The following EXOC6B variants were observed in gnomAD, a reference collection of about 807,000 sequenced individuals.
EXOC6B encodes the protein SEC15 homolog B.
Under a neutral mutation model 113.5 loss-of-function variants are expected in EXOC6B, and 54 were observed. The ratio of observed to expected loss-of-function variants is 0.48; its 90% confidence interval spans 0.38 to 0.60. The LOEUF (loss-of-function observed/expected upper bound fraction) is 0.60, where lower values mean the gene tolerates loss of function less well. Ranked by LOEUF, EXOC6B falls within the 20% of genes least tolerant of loss-of-function variation. EXOC6B has a pLI of 0.00. For missense variants in EXOC6B, 797 were observed against 977.5 expected (o/e 0.82, Z 2.46); for synonymous variants, 357 against 339.0 (o/e 1.05, Z -0.58).
chr2:72,236,442 T>C (rs986048536), intron 20 of EXOC6B, among the ~76,000 whole-genome samples: 3 of 152,236 alleles, frequency 2.0e-5, no homozygotes, highest in African/African-American at 7.2e-5. Flanking sequence ...ATCTTTAATT[T>C]AGATTTCCAA....
chr2:72,528,450 A>T (rs543923512), intron 8 of EXOC6B, among the ~76,000 whole-genome samples: 3 of 152,168 alleles, frequency 2.0e-5, no homozygotes, highest in African/African-American at 7.2e-5. Context: ...GCTACATAAT[A>T]AGTCTTGAAA....
intron 20 of EXOC6B, among the ~76,000 whole-genome samples, chr2:72,302,492 T>G (rs1686591925): frequency 1.3e-5 from 2 of 151,858 alleles, no homozygotes; most frequent in Admixed American, 6.5e-5. Flanking sequence ...AGAAATTGCT[T>G]TATGAATCTA....
chr2:72,575,495 T>C lies in EXOC6B; in HGVS notation c.843A>G (p.Glu281=). 6.2e-7 allele frequency: 1 copy of C among 1,605,308 alleles called. No homozygotes were observed. The highest frequency in any genetic ancestry group is 1.3e-5 in the African/African-American group (1 of 74,422). ...CCCAACATCAAATGTTACTTACCTC[T>C]TCATCATCTTCCTCGTCTTCAACAT... ...ILDVEDEEDD[E]EVPGAQDLVD... is the part of the protein sequence containing the mutation. Residue 281 remains glutamate, a synonymous_variant, in exon 7 of 22, where the codon GAA becomes GAG. Coordinates refer to ENST00000272427, the MANE Select transcript of EXOC6B (RefSeq NM_015189.3).
chr2:72,799,983 T>A (rs1256406492), intron 1 of EXOC6B, among the ~76,000 whole-genome samples: 3 of 152,086 alleles, frequency 2.0e-5, no homozygotes, highest in Non-Finnish European at 2.9e-5. Flanking sequence ...GAAGATAGTT[T>A]GAGCCCTGGA....
intron 18 of EXOC6B, among the ~76,000 whole-genome samples, chr2:72,389,670 CT>C (rs1432044555): frequency 6.6e-6 from 1 of 151,782 alleles, no homozygotes; most frequent in Non-Finnish European, 1.5e-5. Context: ...GGTGATGGTT[CT>C]TTTTTATTCT....
At chr2:72,700,998 A>T (rs1678289468) in intron 6 of EXOC6B, among the ~76,000 whole-genome samples, 1 of 152,058 alleles carries the variant, frequency 6.6e-6, no homozygotes, top group Non-Finnish European at 1.5e-5. Context: ...CACAATAAAA[A>T]ATCCATATAC....
intron 19 of EXOC6B, among the ~76,000 whole-genome samples, chr2:72,364,473 G>A (rs964040390): frequency 5.3e-5 from 8 of 152,082 alleles, no homozygotes; most frequent in Non-Finnish European, 7.4e-5. Context: ...AGTCTGAAAG[G>A]TTATTACAAA....
intron 8 of EXOC6B, among the ~76,000 whole-genome samples, chr2:72,518,481 A>AGG (rs973097610): frequency 5.0e-5 from 5 of 99,114 alleles, no homozygotes; most frequent in African/African-American, 1.9e-4. Context: ...GGATTAAAGT[A>AGG]GGGTGTGTGT....
intron 11 of EXOC6B, among the ~76,000 whole-genome samples, chr2:72,510,598 C>G (rs1477290039): frequency 6.6e-6 from 1 of 151,190 alleles, no homozygotes; most frequent in Non-Finnish European, 1.5e-5. Flanking sequence ...CAGCATGTTC[C>G]TACTTAAAAC....
chr2:72,300,368 T>C (rs927881762), intron 20 of EXOC6B, among the ~76,000 whole-genome samples: 1 of 152,168 alleles, frequency 6.6e-6, no homozygotes, highest in South Asian at 2.1e-4. Context: ...CGGACGCCCC[T>C]ACCTACACCA....
intron 20 of EXOC6B, among the ~76,000 whole-genome samples, chr2:72,253,319 A>G (rs908348415): frequency 2.6e-5 from 4 of 152,248 alleles, no homozygotes; most frequent in African/African-American, 9.6e-5. Context: ...CAGAATTACC[A>G]TTAGACCCAG....
At chr2:72,357,373 T>C (rs1690024916) in intron 19 of EXOC6B, among the ~76,000 whole-genome samples, 1 of 152,128 alleles carries the variant, frequency 6.6e-6, no homozygotes, top group Non-Finnish European at 1.5e-5. Flanking sequence ...ATCAATTGTA[T>C]ATATGATGGT....
At chr2:72,296,033 A>G (rs1686115113) in intron 20 of EXOC6B, among the ~76,000 whole-genome samples, 3 of 152,150 alleles carry the variant, frequency 2.0e-5, no homozygotes, top group South Asian at 2.1e-4. Flanking sequence ...TAGAGTGGCT[A>G]TGGATTTGTC....
intron 8 of EXOC6B, among the ~76,000 whole-genome samples, chr2:72,530,037 T>C (rs1434409627): frequency 3.9e-5 from 6 of 152,184 alleles, no homozygotes. Flanking sequence ...TTGTCAGTCA[T>C]GTTGGAGGTC....
At chr2:72,638,439 A>C (rs1672995964) in intron 6 of EXOC6B, among the ~76,000 whole-genome samples, 1 of 152,096 alleles carries the variant, frequency 6.6e-6, no homozygotes, top group African/African-American at 2.4e-5. Context: ...GGGACAAGAC[A>C]ACTGGTATAA....
intron 6 of EXOC6B, among the ~76,000 whole-genome samples, chr2:72,694,357 G>A (rs182046852): frequency 5.3e-5 from 8 of 152,228 alleles, no homozygotes; most frequent in Admixed American, 2.6e-4. Context: ...CAGGAGAATC[G>A]CTTGACCCTG....
At chr2:72,207,392 C>A (rs2104366565) in intron 20 of EXOC6B, among the ~76,000 whole-genome samples, 1 of 152,254 alleles carries the variant, frequency 6.6e-6, no homozygotes, top group Non-Finnish European at 1.5e-5. Context: ...TGAACTTGGG[C>A]AAATCATCTA....
rs535721826 is a variant in EXOC6B, at chr2:72,699,251, G to A, written c.669+18852C>T. On this transcript the variant is annotated intron_variant, in intron 6 of 21. Transcript: ENST00000272427. The stretch of plus-strand genomic sequence containing the variant: ...TCCCAGCACTTTGGGAAGCCAAGGC[G>A]GGTGGATCACGAGGTCAGGAGTTCA... 2.6e-4 allele frequency among the ~76,000 whole-genome samples: 40 copies of A among 152,266 alleles called. No homozygotes were observed. In the South Asian group the frequency reaches 3.3e-3, roughly 13 times the overall value.
At chr2:72,650,375 G>A (rs1674072551) in intron 6 of EXOC6B, among the ~76,000 whole-genome samples, 3 of 152,208 alleles carry the variant, frequency 2.0e-5, no homozygotes, top group South Asian at 2.1e-4. Flanking sequence ...GCAGAGGCAG[G>A]CGGATCACGA....
Sources: gnomAD v4.1 joint callset for allele counts (sites outside exome capture counted in the v4.1 genomes callset) on GRCh38, gnomAD v4.1.1 for gene constraint, MANE v1.5 for transcripts, NCBI Gene and HGNC (gene_info 2026-07-23, HGNC 2026-07-21) for gene names.